ELN: variants seen among roughly 807,000 people sequenced by gnomAD.
The protein encoded by ELN is elastin.
A neutral mutation model predicts 105.8 loss-of-function variants in ELN; 65 were observed. The observed-to-expected ratio is 0.61, with a 90% confidence interval of 0.50 to 0.75. ELN has a LOEUF of 0.75. Among genes scored for constraint, ELN ranks in the 30% least tolerant of loss-of-function variants. The pLI is 0.00. For synonymous variants in ELN, 368 were observed against 389.2 expected, an observed-to-expected ratio of 0.95 and a Z score of 0.64; for missense variants, 882 against 969.4, an observed-to-expected ratio of 0.91 and a Z score of 1.20.
intron 4 of ELN, among the ~76,000 whole-genome samples, chr7:74,040,550 T>A (rs1198383343): frequency 6.6e-6 from 1 of 152,198 alleles, no homozygotes; most frequent in Non-Finnish European, 1.5e-5. Flanking sequence ...GGCTCAGGAC[T>A]AGCACTTGTA....
Position 74,047,665 on chromosome 7 carries a change from C to T in ELN, c.644-10C>T, listed in dbSNP as rs375036001. 5.0e-6 allele frequency: 8 copies of T among 1,614,070 alleles called. No individual in the cohort carries two copies. The African/African-American group carries it at 8.0e-5, about 16-fold the overall frequency. On this transcript the variant is annotated splice_polypyrimidine_tract_variant and intron_variant, in intron 12 of 32. Coordinates refer to ENST00000252034, the MANE Select transcript of ELN (RefSeq NM_000501.4). ...GGGCAGCCCCTGAGTTTGCTCTGTC[C>T]TCTCTCCAGGTGGCTATGGACTGCC...
At chr7:74,047,130 C>T (rs1470138645) in intron 12 of ELN, among the ~76,000 whole-genome samples, 1 of 152,148 alleles carries the variant, frequency 6.6e-6, no homozygotes, top group Non-Finnish European at 1.5e-5. Flanking sequence ...CACTGCACCT[C>T]CCTGCACAGA....
chr7:74,046,836 C>T, intron 12 of ELN, 69 bp downstream of exon 12: 6 of 1,567,382 alleles, frequency 3.8e-6, no homozygotes, highest in Non-Finnish European at 5.3e-6. Flanking sequence ...GTAATCCCAG[C>T]ACTTTGGGAG....
chr7:74,061,657 A>C (rs1796691442), intron 26 of ELN, among the ~76,000 whole-genome samples: 1 of 152,216 alleles, frequency 6.6e-6, no homozygotes, highest in East Asian at 1.9e-4. Context: ...ATCTCAAAAA[A>C]AGAAAAGAAA....
intron 1 of ELN, among the ~76,000 whole-genome samples, chr7:74,033,519 C>T (rs1554663715): frequency 6.6e-6 from 1 of 152,250 alleles, no homozygotes; most frequent in African/African-American, 2.4e-5. Context: ...CTGGGGCCAC[C>T]ACTCCGAGCC....
At chr7:74,042,728 A>C (rs201414662) in intron 6 of ELN, 22 bp downstream of exon 6, 1 of 1,610,798 alleles carries the variant, frequency 6.2e-7, no homozygotes, top group Non-Finnish European at 8.5e-7. Context: ...TCTTTGGGAC[A>C]TGCCACAAGC....
Position 74,066,475 on chromosome 7 carries a change from G to A in ELN, c.2087-257G>A, listed in dbSNP as rs2528794. On this transcript the variant is annotated intron_variant, in intron 31 of 32. Coordinates refer to ENST00000252034, the MANE Select transcript of ELN (RefSeq NM_000501.4). ...CCAGCTACTCGGGAGGCTGAGGCGG[G>A]AGAATCACTGGAGCCTGGGAAGCGG... Among the ~76,000 whole-genome samples, 13,334 of 152,244 alleles carry A rather than the reference G, an allele frequency of 0.088. 731 individuals are homozygous for A. The highest frequency in any genetic ancestry group is 0.17 in the South Asian group (797 of 4,824).
At chr7:74,042,890 C>T (rs1242330542) in intron 6 of ELN, 94 bp from the exon 7 acceptor site, 1 of 1,605,240 alleles carries the variant, frequency 6.2e-7, no homozygotes, top group Admixed American at 1.7e-5. Flanking sequence ...GTAACGGGGC[C>T]AGACCTCAAT....
intron 17 of ELN, 105 bp downstream of exon 17, chr7:74,052,088 T>C: frequency 7.7e-7 from 1 of 1,296,168 alleles, no homozygotes; most frequent in Non-Finnish European, 1.1e-6. Flanking sequence ...CCTTCCCAAA[T>C]ATGCATTGTT....
rs1798661107 is a variant in ELN at position 74,069,678 on chromosome 7, A to G, written c.*978A>G. On this transcript the variant is annotated 3_prime_UTR_variant, in exon 33 of 33. Coordinates refer to ENST00000252034, the MANE Select transcript of ELN (RefSeq NM_000501.4). ...ATAAATATTTTATTTTTTGTCCTGG[A>G]TATTTGGGGATTATTTTTGATTGTT... is the stretch of plus-strand genomic sequence containing the variant. 1 of 231,572 alleles carries G rather than the reference A, an allele frequency of 4.3e-6. No individual in the cohort carries two copies. The highest frequency in any genetic ancestry group is 8.5e-6 in the Non-Finnish European group (1 of 117,332). 14.3% of individuals were successfully genotyped at this position (231,572 alleles called of 1,614,324 possible). A position where few individuals can be genotyped will look rare whatever the true frequency, so the allele number is the denominator to read the frequency against.
chr7:74,046,194 G>T lies in ELN; in HGVS notation c.548G>T (p.Gly183Val). The change falls in exon 11 of 33, where the codon GGT becomes GTT. Residue 183 changes from glycine (G) to valine (V), a missense_variant. Transcript: ENST00000252034. ...CAGCTTTTTATCATTACAGGTGTAGGTGGAGCTTTTGCTGGAATCCCAGGT... is the reference window on the plus strand; with the variant it reads ...CAGCTTTTTATCATTACAGGTGTAGTTGGAGCTTTTGCTGGAATCCCAGGT... ...AGVKPKAPGVGGAFAGIPGVG... is the reference protein window; with the variant it reads ...AGVKPKAPGVVGAFAGIPGVG... 1 of 1,614,224 alleles carries T rather than the reference G, an allele frequency of 6.2e-7. No individual in the cohort carries two copies. Among genetic ancestry groups the T allele is most frequent in the Non-Finnish European group, 8.5e-7 (1 of 1,180,038 alleles).
chr7:74,047,541 C>A (rs1792862430), intron 12 of ELN, 134 bp from the exon 13 acceptor site: 1 of 1,274,146 alleles, frequency 7.8e-7, no homozygotes, highest in Non-Finnish European at 1.1e-6. Flanking sequence ...CTTTGCTCTC[C>A]TGGGAGCAGC....
chr7:74,042,104 A>T (rs1287915013), intron 5 of ELN, among the ~76,000 whole-genome samples: 1 of 151,934 alleles, frequency 6.6e-6, no homozygotes, highest in Non-Finnish European at 1.5e-5. Context: ...GAGCTGTCTA[A>T]CACATTAACC....
At chr7:74,059,164 T>TCCTACAAGG (rs1563849490) in intron 22 of ELN, among the ~76,000 whole-genome samples, 1 of 151,914 alleles carries the variant, frequency 6.6e-6, no homozygotes, top group Non-Finnish European at 1.5e-5. Context: ...AGCCAACGTG[T>TCCTACAAGG]CTGGCCTACA....
At chr7:74,035,517 C>A in intron 2 of ELN, 103 bp downstream of exon 2, 1 of 1,394,814 alleles carries the variant, frequency 7.2e-7, no homozygotes, top group Non-Finnish European at 1.0e-6. Flanking sequence ...CATTGACACG[C>A]CTACCAGAAG....
At chr7:74,041,103 C>T in intron 4 of ELN, 113 bp from the exon 5 acceptor site, 3 of 1,391,044 alleles carry the variant, frequency 2.2e-6, no homozygotes, top group Non-Finnish European at 3.1e-6. Flanking sequence ...GGCTTAGGGA[C>T]CAGCCTAGGG....
chr7:74,061,218 T>C, intron 26 of ELN, 79 bp downstream of exon 26: 2 of 1,595,684 alleles, frequency 1.3e-6, no homozygotes, highest in East Asian at 2.2e-5. Context: ...GTGGTCACAA[T>C]AGAAAAAGGC....
chr7:74,039,964 T>G (rs1790797512), intron 4 of ELN, among the ~76,000 whole-genome samples: 1 of 152,148 alleles, frequency 6.6e-6, no homozygotes, highest in Non-Finnish European at 1.5e-5. Flanking sequence ...CTCCCAGCTG[T>G]GGTCAGCCCC....
chr7:74,066,019 A>G, intron 31 of ELN, 22 bp downstream of exon 31: 1 of 1,613,992 alleles, frequency 6.2e-7, no homozygotes, highest in Non-Finnish European at 8.5e-7. Flanking sequence ...CAGCTCTGCT[A>G]CGTAGTCCTC....
Sources: gnomAD v4.1 joint callset for allele counts (sites outside exome capture counted in the v4.1 genomes callset) on GRCh38, gnomAD v4.1.1 for gene constraint, MANE v1.5 for transcripts, NCBI Gene and HGNC (gene_info 2026-07-23, HGNC 2026-07-21) for gene names.